Variants in TUBD1 observed in about 807,000 individuals in gnomAD.
The protein encoded by TUBD1 is tubulin delta chain.
In TUBD1, 38 loss-of-function variants were observed where a neutral mutation model predicts 51.2. The observed-to-expected ratio is 0.74, with a 90% CI of 0.57 to 0.97. The LOEUF is 0.97. TUBD1 is among the 50% of genes least tolerant of loss of function. TUBD1 has a pLI of 0.00. For missense variants in TUBD1, 489 were observed against 538.4 expected (o/e 0.91, Z 0.91); for synonymous variants, 169 against 178.2 (o/e 0.95, Z 0.41).
intron 2 of TUBD1, among the ~76,000 whole-genome samples, chr17:59,887,099 T>C: frequency 6.6e-6 from 1 of 151,988 alleles, no homozygotes; most frequent in East Asian, 1.9e-4. Flanking sequence ...GGCAGGAGAA[T>C]TGCTTGATCC....
At chr17:59,874,400 C>G in intron 6 of TUBD1, 139 bp downstream of exon 6, 1 of 718,376 alleles carries the variant, frequency 1.4e-6, no homozygotes, top group Non-Finnish European at 2.2e-6. Context: ...CCTAAGATGT[C>G]CTGGTGAGTT....
intron 7 of TUBD1, 97 bp from the exon 8 acceptor site, chr17:59,863,944 CT>C: frequency 9.0e-7 from 1 of 1,109,140 alleles, no homozygotes; most frequent in Non-Finnish European, 1.2e-6. Flanking sequence ...CATCAGAGAT[CT>C]TTTATTTTGC....
Position 59,863,733 on chromosome 17 carries a change from C to T in TUBD1, c.1190G>A (p.Ser397Asn), listed in dbSNP as rs765502491. ...TGGTTTTACTAAGAACTGGCTGTTG[C>T]TGACCAACACTGCAGACTTCTCATA... ...SKYEKSAVLV[S>N]NSQFLVKPLD... Residue 397 changes from serine to asparagine, a missense_variant, in exon 8 of 9, where the codon AGC (serine) becomes AAC (asparagine). Physicochemically the swap from Ser to Asn is conservative, Grantham distance 46 (BLOSUM62 1). Transcript: ENST00000325752. 1 of 1,608,840 alleles carries T rather than the reference C, an allele frequency of 6.2e-7. No homozygotes were observed. Among genetic ancestry groups the T allele is most frequent in the Non-Finnish European group, 8.5e-7 (1 of 1,178,488 alleles).
intron 7 of TUBD1, among the ~76,000 whole-genome samples, chr17:59,866,375 C>T (rs552502830): frequency 1.3e-5 from 2 of 151,984 alleles, no homozygotes; most frequent in African/African-American, 4.8e-5. Context: ...ACTGGGACTA[C>T]ATGCGTGTGC....
intron 8 of TUBD1, among the ~76,000 whole-genome samples, chr17:59,862,191 T>C (rs2039482575): frequency 6.6e-6 from 1 of 151,104 alleles, no homozygotes; most frequent in African/African-American, 2.4e-5. Context: ...GGTGTAGTGG[T>C]GCATGCCTGT....
At chr17:59,873,260 T>G (rs58581511) in intron 6 of TUBD1, among the ~76,000 whole-genome samples, 19,611 of 140,190 alleles carry the variant, frequency 0.14, 1,525 homozygotes, top group Middle Eastern at 0.25. Context: ...TGTTGTTGTT[T>G]TTTTTTTGAG....
intron 3 of TUBD1, among the ~76,000 whole-genome samples, chr17:59,883,064 C>T (rs980253343): frequency 6.6e-6 from 1 of 151,804 alleles, no homozygotes; most frequent in Non-Finnish European, 1.5e-5. Context: ...GGATCACAAG[C>T]GAGAGCCACC....
intron 6 of TUBD1, among the ~76,000 whole-genome samples, chr17:59,870,372 C>CAAAAAAAAAAAAAAA (rs530315478): frequency 3.8e-5 from 3 of 77,982 alleles, no homozygotes; most frequent in Non-Finnish European, 5.1e-5. Context: ...CTCCATCTCA[C>CAAAAAAAAAAAAAAA]AAAAAAAAAA....
At chr17:59,866,870 A>C (rs8074458) in intron 6 of TUBD1, 121 bp from the exon 7 acceptor site, 1 of 718,044 alleles carries the variant, frequency 1.4e-6, no homozygotes, top group Admixed American at 3.0e-5. Context: ...TGCAACCTCC[A>C]TCTCCCAGGA....
chr17:59,860,769 T>C (rs551366861), intron 8 of TUBD1, among the ~76,000 whole-genome samples: 1 of 151,896 alleles, frequency 6.6e-6, no homozygotes, highest in Non-Finnish European at 1.5e-5. Context: ...GTATTTTTAG[T>C]AGAGACGGGG....
At chr17:59,871,163 C>T (rs192576517) in intron 6 of TUBD1, among the ~76,000 whole-genome samples, 3 of 152,312 alleles carry the variant, frequency 2.0e-5, no homozygotes, top group Non-Finnish European at 4.4e-5. Context: ...CCTGGCCAAA[C>T]TATCATTCAA....
intron 7 of TUBD1, among the ~76,000 whole-genome samples, chr17:59,865,783 A>G (rs1414953598): frequency 1.3e-5 from 2 of 152,064 alleles, no homozygotes; most frequent in African/African-American, 4.8e-5. Flanking sequence ...TCAATGGGAC[A>G]GAAATTCAAG....
At chr17:59,862,224 G>C (rs141840991) in intron 8 of TUBD1, among the ~76,000 whole-genome samples, 2 of 151,332 alleles carry the variant, frequency 1.3e-5, no homozygotes, top group African/African-American at 4.8e-5. Context: ...TTGGGAGGCT[G>C]AGGCAGGAGA....
chr17:59,882,752 C>A (rs1245392110), intron 3 of TUBD1, among the ~76,000 whole-genome samples: 5 of 151,926 alleles, frequency 3.3e-5, no homozygotes, highest in Non-Finnish European at 5.9e-5. Context: ...GTATCTAGAA[C>A]TACAAGAGCA....
intron 6 of TUBD1, among the ~76,000 whole-genome samples, chr17:59,868,108 C>CAAAAAAAAAAAA (rs35401242): frequency 3.7e-5 from 1 of 26,812 alleles, no homozygotes; most frequent in African/African-American, 1.5e-4. Context: ...ACTAAAAATA[C>CAAAAAAAAAAAA]AAAAAAAAAA....
intron 5 of TUBD1, among the ~76,000 whole-genome samples, chr17:59,875,130 G>C (rs1401158061): frequency 7.2e-6 from 1 of 138,700 alleles, no homozygotes; most frequent in Non-Finnish European, 1.5e-5. Flanking sequence ...GGCTGGAGGA[G>C]TGCAGTGGCG....
At chr17:59,878,408 C>T (rs758797282) in intron 4 of TUBD1, 74 bp from the exon 5 acceptor site, 64 of 1,097,704 alleles carry the variant, frequency 5.8e-5, no homozygotes, top group Non-Finnish European at 8.1e-5. Flanking sequence ...TCAAGGCATC[C>T]TGGCAGGGTT....
chr17:59,860,587 ACTTT>A (rs1398142335), intron 8 of TUBD1, among the ~76,000 whole-genome samples, 163 bp from the exon 9 acceptor site: 9 of 151,460 alleles, frequency 5.9e-5, no homozygotes, highest in East Asian at 1.9e-4. Flanking sequence ...AGATTAGTGA[ACTTT>A]CTTTTTTTTT....
Position 59,890,994 on chromosome 17 carries a change from A to G in TUBD1, c.9T>C (p.Ile3=), listed in dbSNP as rs146797488. The G allele has an allele frequency of 2.0e-3, 3,155 of 1,610,214 alleles. 7 individuals are homozygous for G. The highest frequency in any genetic ancestry group is 3.0e-3 in the South Asian group (267 of 90,278). Residue 3 remains isoleucine (I), a synonymous_variant, in exon 2 of 9, where the codon ATT becomes ATC. Transcript: ENST00000325752. ...CACACTGACCAAGTTGCACTGTTACAATTGACATGCTGAGCCACAAACTAG... is the reference window on the plus strand; with the variant it reads ...CACACTGACCAAGTTGCACTGTTACGATTGACATGCTGAGCCACAAACTAG... MS[I]VTVQLGQCGN... is the part of the protein sequence containing the mutation.
Sources: allele counts gnomAD v4.1 joint callset (sites outside exome capture counted in the v4.1 genomes callset), GRCh38; gene constraint gnomAD v4.1.1; transcripts MANE v1.5; gene names NCBI Gene and HGNC (gene_info 2026-07-23, HGNC 2026-07-21).